Variants in ELMOD3 observed in about 807,000 individuals in gnomAD.
The protein encoded by ELMOD3 is ELMO domain containing 3, also known as ELMO domain-containing protein 3.
ELMOD3 carries 36 observed loss-of-function variants against 47.4 expected under a neutral mutation model. That is an observed-to-expected ratio of 0.76 (90% CI 0.58 to 1.00). The LOEUF (loss-of-function observed/expected upper bound fraction) is 1.00, where lower values mean the gene tolerates loss of function less well. Ranked by LOEUF, ELMOD3 falls within the 50% of genes least tolerant of loss-of-function variation. The pLI, the probability that ELMOD3 is intolerant of heterozygous loss-of-function variation, is 0.00. For missense variants in ELMOD3, 404 were observed against 463.8 expected (o/e 0.87, Z 1.18); for synonymous variants, 149 against 183.5 (o/e 0.81, Z 1.52).
chr2:85,371,042 A>C, intron 8 of ELMOD3, 44 bp from the exon 9 acceptor site: 1 of 1,600,318 alleles, frequency 6.2e-7, no homozygotes, highest in Admixed American at 1.7e-5. Context: ...TGATTAAGGG[A>C]AATGAACCAG....
chr2:85,358,558 A>C (rs980195144), intron 4 of ELMOD3, among the ~76,000 whole-genome samples: 1 of 152,174 alleles, frequency 6.6e-6, no homozygotes, highest in African/African-American at 2.4e-5. Context: ...TACAGTGGGA[A>C]ATAAATGCTT....
chr2:85,382,808 G>A (rs72831535), intron 11 of ELMOD3, among the ~76,000 whole-genome samples: 13,683 of 152,032 alleles, frequency 0.09, 656 homozygotes, highest in South Asian at 0.16. Context: ...GAGCCACCGC[G>A]TCTGGCCAGC....
chr2:85,390,932 T>C lies in ELMOD3; in HGVS notation c.1116T>C (p.Ser372=), dbSNP rs949631692. The C allele has an allele frequency of 6.4e-7, 1 of 1,551,514 alleles. No homozygotes were observed. The highest frequency in any genetic ancestry group is 8.7e-7 in the Non-Finnish European group (1 of 1,146,960). Residue 372 remains serine (S), a synonymous_variant, in exon 14 of 14, where the codon TCT becomes TCC. Coordinates refer to ENST00000409013, the MANE Select transcript of ELMOD3 (RefSeq NM_001135022.2). The part of the protein sequence containing the change: ...LTFTGESDLQ[S]HSSEGVWLI ...TCACAGGTGAGAGTGACCTGCAGTC[T>C]CACTCATCCGAAGGCGTATGGCTGA...
At chr2:85,375,200 T>A (rs1685084467) in intron 10 of ELMOD3, among the ~76,000 whole-genome samples, 1 of 152,244 alleles carries the variant, frequency 6.6e-6, no homozygotes, top group Non-Finnish European at 1.5e-5. Context: ...CTTGAGTCTG[T>A]AGGTTTGTGT....
At position 85,377,438 on chromosome 2, in the gene ELMOD3, G is replaced by A. The variant is rs371072018; in HGVS notation, c.702G>A (p.Ala234=). Residue 234 remains alanine, a synonymous_variant, in exon 11 of 14, where the codon GCG becomes GCA. Transcript: ENST00000409013. The stretch of plus-strand genomic sequence containing the variant: ...TGGACTCAAAGACCTTGCCGATGGC[G>A]CAGGAGATTTTCCGCCTGTCTCGTC... ...LVMDSKTLPM[A]QEIFRLSRHH... 1.3e-4 allele frequency: 211 copies of A among 1,609,368 alleles called. No individual in the cohort carries two copies. The highest frequency in any genetic ancestry group is 1.6e-4 in the Middle Eastern group (1 of 6,072).
intron 4 of ELMOD3, chr2:85,360,779 C>T: frequency 7.8e-6 from 2 of 255,162 alleles, no homozygotes; most frequent in Non-Finnish European, 1.7e-5. Context: ...AAGCCCTTTA[C>T]ATTTTTACAT....
At chr2:85,360,249 A>G (rs1683853096) in intron 4 of ELMOD3, among the ~76,000 whole-genome samples, 1 of 141,556 alleles carries the variant, frequency 7.1e-6, no homozygotes, top group South Asian at 2.4e-4. Context: ...CTGGGCAACA[A>G]GAGCAAAACT....
intron 10 of ELMOD3, chr2:85,371,778 A>C: frequency 1.9e-6 from 1 of 514,808 alleles, no homozygotes; most frequent in Non-Finnish European, 3.4e-6. Context: ...TCACGCCTGT[A>C]ATCCCAGCAC....
intron 12 of ELMOD3, 75 bp downstream of exon 12, chr2:85,389,902 C>G: frequency 7.2e-7 from 1 of 1,391,950 alleles, no homozygotes; most frequent in Non-Finnish European, 1.0e-6. Flanking sequence ...TTAATTTTCC[C>G]CAGCTCTACT....
chr2:85,389,545 C>G, intron 11 of ELMOD3: 1 of 599,260 alleles, frequency 1.7e-6, no homozygotes, highest in Non-Finnish European at 3.0e-6. Flanking sequence ...GTTCCCATGC[C>G]TTAGGAAAGT....
intron 6 of ELMOD3, 84 bp downstream of exon 6, chr2:85,363,250 T>G: frequency 1.3e-6 from 1 of 763,798 alleles, no homozygotes; most frequent in Non-Finnish European, 2.3e-6. Context: ...CATTTGAATT[T>G]CTCTCACTCC....
intron 6 of ELMOD3, chr2:85,368,411 A>C (rs1684551859): frequency 7.0e-6 from 3 of 429,708 alleles, no homozygotes; most frequent in South Asian, 4.9e-5. Context: ...GTTCAGCATC[A>C]ATATGGGGAC....
chr2:85,371,271 G>T (rs752397334), intron 9 of ELMOD3, 62 bp downstream of exon 9: 2 of 1,613,396 alleles, frequency 1.2e-6, no homozygotes, highest in Middle Eastern at 1.6e-4. Context: ...GACCGTGTGT[G>T]CTGACCCTGT....
chr2:85,354,876 C>T, intron 1 of ELMOD3, 47 bp downstream of exon 1: 1 of 182,470 alleles, frequency 5.5e-6, no homozygotes, highest in Non-Finnish European at 1.2e-5. Context: ...GGTGCCTGTG[C>T]GGAGCTAGCA....
In ELMOD3 at chr2:85,363,183, G is replaced by T; in HGVS notation, c.199+17G>T. On this transcript the variant is annotated intron_variant, in intron 6 of 13. Transcript: ENST00000409013. Reference sequence around the variant, plus strand: ...AGCCACGTGGTAAGGTTCCCTTCAGGGCCCTTGGAGTCTGGGTGGGACCCA... The same window carrying T: ...AGCCACGTGGTAAGGTTCCCTTCAGTGCCCTTGGAGTCTGGGTGGGACCCA... The T allele has an allele frequency of 6.5e-7, 1 of 1,544,148 alleles. No homozygotes were observed. Among genetic ancestry groups the T allele is most frequent in the Non-Finnish European group, 8.9e-7 (1 of 1,117,402 alleles).
Position 85,391,612 on chromosome 2 carries a change from C to A in ELMOD3, c.*650C>A, listed in dbSNP as rs1024769914. 6.5e-6 allele frequency: 1 copy of A among 153,020 alleles called. No individual in the cohort carries two copies. The highest frequency in any genetic ancestry group is 2.4e-5 in the African/African-American group (1 of 41,446). 9.5% of individuals were successfully genotyped at this position (153,020 alleles called of 1,614,324 possible). ...CGGACATTTGGCTAGGTGTCTCTCACGGCTGCTCCATCCTAGCCCCCACAA... is the reference window on the plus strand; with the variant it reads ...CGGACATTTGGCTAGGTGTCTCTCAAGGCTGCTCCATCCTAGCCCCCACAA... On this transcript the variant is annotated 3_prime_UTR_variant, in exon 14 of 14. Transcript: ENST00000409013.
chr2:85,371,157 G>A lies in ELMOD3; in HGVS notation c.432G>A (p.Lys144=), dbSNP rs1476333093. 6.2e-7 allele frequency: 1 copy of A among 1,614,074 alleles called. No homozygotes were observed. Among genetic ancestry groups the A allele is most frequent in the Non-Finnish European group, 8.5e-7 (1 of 1,180,000 alleles). The change falls in exon 9 of 14, where the codon AAG becomes AAA. Residue 144 remains lysine, a synonymous_variant. Coordinates refer to ENST00000409013, the MANE Select transcript of ELMOD3 (RefSeq NM_001135022.2). ...ALRHYLFGPP[K]LHQRLREERD... ...GACACTACCTCTTCGGGCCTCCAAAGCTCCACCAGCGCCTTCGGGAAGAAA... is the reference window on the plus strand; with the variant it reads ...GACACTACCTCTTCGGGCCTCCAAAACTCCACCAGCGCCTTCGGGAAGAAA...
chr2:85,370,959 C>A (rs1684746756), intron 8 of ELMOD3, 127 bp from the exon 9 acceptor site: 3 of 1,171,478 alleles, frequency 2.6e-6, no homozygotes, highest in Non-Finnish European at 3.7e-6. Context: ...TTCCCTTGGC[C>A]CAAAGGCCAG....
intron 11 of ELMOD3, among the ~76,000 whole-genome samples, chr2:85,378,403 T>G (rs538989279): frequency 2.0e-5 from 3 of 152,310 alleles, no homozygotes; most frequent in South Asian, 4.1e-4. Context: ...GTGCCCAAGA[T>G]AGTCAGAGCA....
Sources: allele counts gnomAD v4.1 joint callset (sites outside exome capture counted in the v4.1 genomes callset), GRCh38; gene constraint gnomAD v4.1.1; transcripts MANE v1.5; gene names NCBI Gene and HGNC (gene_info 2026-07-23, HGNC 2026-07-21).